Variants in LRP1B observed in about 807,000 individuals in gnomAD.
The protein encoded by LRP1B is low-density lipoprotein receptor-related protein 1B.
In LRP1B, 217 loss-of-function variants were observed where a neutral mutation model predicts 556.6. The ratio of observed to expected loss-of-function variants is 0.39; its 90% CI spans 0.35 to 0.44. LRP1B has a LOEUF of 0.44. LRP1B is among the 20% of genes least tolerant of loss of function. The pLI is 1.00. For synonymous variants in LRP1B, 2,047 were observed against 1,865.8 expected, an observed-to-expected ratio of 1.10 and a Z score of -2.50; for missense variants, 5,053 against 5,620.8, an observed-to-expected ratio of 0.90 and a Z score of 3.23.
chr2:141,503,546 G>T (rs971885895), intron 2 of LRP1B, among the ~76,000 whole-genome samples: 1 of 151,998 alleles, frequency 6.6e-6, no homozygotes, highest in Non-Finnish European at 1.5e-5. Context: ...GAATGTAGAA[G>T]TAATGCAAGT....
intron 15 of LRP1B, among the ~76,000 whole-genome samples, chr2:140,996,586 A>G (rs1697252060): frequency 6.6e-6 from 1 of 151,980 alleles, no homozygotes; most frequent in African/African-American, 2.4e-5. Context: ...TGTAGAGTTT[A>G]TGCTCAAAAT....
intron 3 of LRP1B, among the ~76,000 whole-genome samples, chr2:141,273,711 A>C (rs929778838): frequency 2.0e-5 from 3 of 152,204 alleles, no homozygotes; most frequent in African/African-American, 7.2e-5. Flanking sequence ...ACAAGTGACA[A>C]AGGAAAAAAT....
intron 7 of LRP1B, among the ~76,000 whole-genome samples, chr2:141,076,486 A>T (rs1699790457): frequency 6.6e-6 from 1 of 152,218 alleles, no homozygotes; most frequent in African/African-American, 2.4e-5. Context: ...GCTTGCTGAC[A>T]TCTCCAATTC....
intron 7 of LRP1B, among the ~76,000 whole-genome samples, chr2:141,125,928 CTCT>C (rs897526204): frequency 1.9e-4 from 25 of 129,582 alleles, no homozygotes; most frequent in African/African-American, 6.8e-4. Context: ...GATTGTTAAC[CTCT>C]TCTTAACATG....
At chr2:141,049,468 G>A (rs1698974132) in intron 10 of LRP1B, among the ~76,000 whole-genome samples, 1 of 152,022 alleles carries the variant, frequency 6.6e-6, no homozygotes, top group Non-Finnish European at 1.5e-5. Flanking sequence ...GTAACTGTCT[G>A]GATAGCAAAA....
At chr2:141,708,550 T>C (rs1178946805) in intron 2 of LRP1B, among the ~76,000 whole-genome samples, 1 of 152,162 alleles carries the variant, frequency 6.6e-6, no homozygotes, top group South Asian at 2.1e-4. Context: ...TTGGACCACT[T>C]TCCCCAAACT....
At chr2:140,796,004 A>C (rs891144775) in intron 32 of LRP1B, among the ~76,000 whole-genome samples, 1 of 152,018 alleles carries the variant, frequency 6.6e-6, no homozygotes, top group African/African-American at 2.4e-5. Context: ...TTCTTTTTTA[A>C]ATAAAGAAGA....
At chr2:141,646,899 G>T (rs1318746872) in intron 2 of LRP1B, among the ~76,000 whole-genome samples, 2 of 152,150 alleles carry the variant, frequency 1.3e-5, no homozygotes, top group Non-Finnish European at 2.9e-5. Context: ...GTCAAGGGGG[G>T]AACAAGCTCC....
At chr2:140,398,040 TATC>T (rs1438171361) in intron 66 of LRP1B, among the ~76,000 whole-genome samples, 2 of 152,168 alleles carry the variant, frequency 1.3e-5, no homozygotes, top group African/African-American at 2.4e-5. Flanking sequence ...GCTTTAAACT[TATC>T]ATTCATGTTT....
intron 35 of LRP1B, among the ~76,000 whole-genome samples, chr2:140,740,472 G>A (rs1432123274): frequency 6.6e-6 from 1 of 152,090 alleles, no homozygotes; most frequent in African/African-American, 2.4e-5. Context: ...GGATGCAAAG[G>A]CGTAAGAATG....
At chr2:142,014,633 T>C (rs1317143953) in intron 1 of LRP1B, among the ~76,000 whole-genome samples, 1 of 152,120 alleles carries the variant, frequency 6.6e-6, no homozygotes, top group Non-Finnish European at 1.5e-5. Flanking sequence ...TAGAGCAATG[T>C]CACAAAAACC....
intron 79 of LRP1B, among the ~76,000 whole-genome samples, chr2:140,329,951 G>GA (rs1403514820): frequency 6.6e-6 from 1 of 151,762 alleles, no homozygotes; most frequent in Non-Finnish European, 1.5e-5. Flanking sequence ...TATAATCCCA[G>GA]AAGTTTGAGA....
intron 20 of LRP1B, among the ~76,000 whole-genome samples, chr2:140,945,800 G>C (rs774993115): frequency 1.3e-5 from 2 of 152,038 alleles, no homozygotes; most frequent in African/African-American, 4.8e-5. Context: ...TATTGGCATA[G>C]GCAAAGAATT....
intron 31 of LRP1B, among the ~76,000 whole-genome samples, chr2:140,818,266 T>C (rs1299332533): frequency 6.6e-6 from 1 of 152,112 alleles, no homozygotes; most frequent in Non-Finnish European, 1.5e-5. Context: ...ATAAATATAA[T>C]CAAAATCTTC....
intron 6 of LRP1B, among the ~76,000 whole-genome samples, chr2:141,218,963 A>G (rs1216909643): frequency 6.6e-6 from 1 of 152,210 alleles, no homozygotes; most frequent in East Asian, 1.9e-4. Context: ...GGGTGGTGCA[A>G]TGACCAAGGT....
At chr2:140,747,055 C>T (rs1222277144) in intron 35 of LRP1B, among the ~76,000 whole-genome samples, 1 of 152,142 alleles carries the variant, frequency 6.6e-6, no homozygotes, top group Non-Finnish European at 1.5e-5. Context: ...GCATTTTGGA[C>T]AAGTAACTTA....
chr2:141,333,783 G>T (rs1340606623), intron 3 of LRP1B, among the ~76,000 whole-genome samples: 1 of 152,088 alleles, frequency 6.6e-6, no homozygotes, highest in Non-Finnish European at 1.5e-5. Context: ...TCCTGTGGAG[G>T]TTTTGTCTTG....
chr2:141,428,901 T>C (rs1246141992), intron 3 of LRP1B, among the ~76,000 whole-genome samples: 1 of 152,198 alleles, frequency 6.6e-6, no homozygotes, highest in Non-Finnish European at 1.5e-5. Flanking sequence ...TGGATTAGAT[T>C]GGAGATTACT....
intron 2 of LRP1B, among the ~76,000 whole-genome samples, chr2:141,643,116 C>T (rs551414335): frequency 1.3e-5 from 2 of 152,084 alleles, no homozygotes; most frequent in African/African-American, 2.4e-5. Context: ...ATTATTAATT[C>T]GCTAAGCAAA....
Sources: gnomAD v4.1 joint callset for allele counts (sites outside exome capture counted in the v4.1 genomes callset) on GRCh38, gnomAD v4.1.1 for gene constraint, MANE v1.5 for transcripts, NCBI Gene and HGNC (gene_info 2026-07-23, HGNC 2026-07-21) for gene names.